The following GALNT14 variants were observed in gnomAD, a reference collection of about 807,000 sequenced individuals.
GALNT14 encodes the protein polypeptide N-acetylgalactosaminyltransferase 14, also known as UDP-GalNAc:polypeptide N-acetylgalactosaminyltransferase 14.
GALNT14 carries 60 observed loss-of-function variants against 77.5 expected under a neutral mutation model. The observed-to-expected ratio is 0.77, with a 90% CI of 0.63 to 0.96. The LOEUF (loss-of-function observed/expected upper bound fraction) is 0.96. Among genes scored for constraint, GALNT14 ranks in the 40% least tolerant of loss-of-function variants. The pLI is 0.00. For missense variants in GALNT14, 710 were observed against 731.0 expected (o/e 0.97, Z 0.33); for synonymous variants, 280 against 281.7 (o/e 0.99, Z 0.06).
chr2:30,969,382 C>T (rs1668204240), intron 2 of GALNT14, among the ~76,000 whole-genome samples: 1 of 152,308 alleles, frequency 6.6e-6, no homozygotes, highest in South Asian at 2.1e-4. Context: ...GGACCACACA[C>T]CCCAGCTTTT....
At chr2:31,053,080 G>A (rs1460868393) in intron 1 of GALNT14, among the ~76,000 whole-genome samples, 6 of 152,094 alleles carry the variant, frequency 3.9e-5, no homozygotes, top group African/African-American at 7.2e-5. Context: ...GGCCCCACAC[G>A]AAAGCAGAGC....
At chr2:30,996,583 T>C (rs75380159) in intron 1 of GALNT14, among the ~76,000 whole-genome samples, 2,886 of 152,330 alleles carry the variant, frequency 0.019, 45 homozygotes, top group Non-Finnish European at 0.028. Context: ...TCACACCAGA[T>C]AGAGGCATGG....
At chr2:30,988,972 G>A (rs1039989701) in intron 2 of GALNT14, among the ~76,000 whole-genome samples, 2 of 152,174 alleles carry the variant, frequency 1.3e-5, no homozygotes, top group Non-Finnish European at 2.9e-5. Flanking sequence ...TGACCTGGGA[G>A]CTTGTTAGAA....
In GALNT14 at chr2:31,050,998, C is replaced by A. The variant is rs75665589; in HGVS notation, c.130-57991G>T. 1.3e-3 allele frequency among the ~76,000 whole-genome samples: 194 copies of A among 152,096 alleles called. 1 individual carries two copies. In the East Asian group the frequency reaches 0.019, roughly 15 times the overall value. ...ACAGAGATGAAGTCAAGGAATCAGG[C>A]CAAGAGATGCTGCGCCACCTCGGAG... On this transcript the variant is annotated intron_variant, in intron 1 of 14. Transcript: ENST00000349752.
chr2:31,093,245 G>A (rs767265696), intron 1 of GALNT14, among the ~76,000 whole-genome samples: 1 of 152,196 alleles, frequency 6.6e-6, no homozygotes, highest in Non-Finnish European at 1.5e-5. Context: ...TGGAGAAAGA[G>A]TTAGTCCTGG....
chr2:31,021,554 C>T (rs768802282), intron 1 of GALNT14, among the ~76,000 whole-genome samples: 7 of 152,128 alleles, frequency 4.6e-5, no homozygotes, highest in Non-Finnish European at 4.4e-5. Context: ...GATCCACCCA[C>T]CTCAGCCTCC....
chr2:31,115,861 A>T (rs1406690547), intron 1 of GALNT14, among the ~76,000 whole-genome samples: 2 of 151,940 alleles, frequency 1.3e-5, no homozygotes. Context: ...TTTTTAAAAT[A>T]AAAAAAATTA....
At chr2:30,950,549 T>C (rs1668299457) in intron 6 of GALNT14, among the ~76,000 whole-genome samples, 1 of 152,156 alleles carries the variant, frequency 6.6e-6, no homozygotes, top group Non-Finnish European at 1.5e-5. Flanking sequence ...ACAGGCTGAC[T>C]CACGCCCTCA....
At chr2:31,130,838 C>T (rs1182063148) in intron 1 of GALNT14, among the ~76,000 whole-genome samples, 3 of 150,426 alleles carry the variant, frequency 2.0e-5, no homozygotes, top group East Asian at 2.0e-4. Context: ...TCATGTTCTT[C>T]GGTATCCCAA....
chr2:31,104,702 G>C (rs931943751), intron 1 of GALNT14, among the ~76,000 whole-genome samples: 1 of 152,120 alleles, frequency 6.6e-6, no homozygotes, highest in East Asian at 1.9e-4. Flanking sequence ...CTTCTGTAGA[G>C]CCTGTGTCCA....
chr2:30,937,220 C>T (rs1474052954), intron 9 of GALNT14, among the ~76,000 whole-genome samples: 1 of 152,212 alleles, frequency 6.6e-6, no homozygotes, highest in Non-Finnish European at 1.5e-5. Context: ...TTAACAATCC[C>T]TGCTCTCTGA....
At chr2:31,024,582 C>T (rs1671928823) in intron 1 of GALNT14, among the ~76,000 whole-genome samples, 1 of 152,312 alleles carries the variant, frequency 6.6e-6, no homozygotes, top group South Asian at 2.1e-4. Context: ...TCACCTCTTC[C>T]AAGACTTGTC....
At chr2:31,012,064 A>G (rs950231153) in intron 1 of GALNT14, among the ~76,000 whole-genome samples, 1 of 152,210 alleles carries the variant, frequency 6.6e-6, no homozygotes, top group African/African-American at 2.4e-5. Context: ...GACAGTTTCC[A>G]GTACAGAAGA....
At chr2:30,995,280 G>A (rs1408667302) in intron 1 of GALNT14, among the ~76,000 whole-genome samples, 4 of 151,872 alleles carry the variant, frequency 2.6e-5, no homozygotes, top group Non-Finnish European at 5.9e-5. Flanking sequence ...CTGTATGTTC[G>A]CTGTACCTTT....
chr2:31,007,920 G>T (rs779277153), intron 1 of GALNT14, among the ~76,000 whole-genome samples: 1 of 151,966 alleles, frequency 6.6e-6, no homozygotes, highest in Non-Finnish European at 1.5e-5. Context: ...CCCTCAACTC[G>T]CAGTGGCAGG....
chr2:31,070,151 G>C (rs1478712265), intron 1 of GALNT14, among the ~76,000 whole-genome samples: 3 of 152,180 alleles, frequency 2.0e-5, no homozygotes, highest in African/African-American at 7.2e-5. Flanking sequence ...AGGGCATACA[G>C]TGGGATCCCT....
intron 8 of GALNT14, among the ~76,000 whole-genome samples, chr2:30,943,338 T>G (rs1180746833): frequency 6.6e-6 from 1 of 152,174 alleles, no homozygotes; most frequent in Non-Finnish European, 1.5e-5. Context: ...AGTGGCTGGA[T>G]AGGTGGGCAA....
intron 2 of GALNT14, among the ~76,000 whole-genome samples, chr2:30,979,886 T>G (rs1052101501): frequency 1.3e-5 from 2 of 152,186 alleles, no homozygotes; most frequent in African/African-American, 4.8e-5. Flanking sequence ...TCATCTCTTG[T>G]CAAACACATT....
chr2:31,118,189 A>G (rs960689901), intron 1 of GALNT14, among the ~76,000 whole-genome samples: 12 of 152,234 alleles, frequency 7.9e-5, no homozygotes, highest in Admixed American at 7.9e-4. Flanking sequence ...ATAATTTCAC[A>G]GCTGAGTTTT....
Sources: allele counts gnomAD v4.1 joint callset (sites outside exome capture counted in the v4.1 genomes callset), GRCh38; gene constraint gnomAD v4.1.1; transcripts MANE v1.5; gene names NCBI Gene and HGNC (gene_info 2026-07-23, HGNC 2026-07-21).